NHSL1: variants seen among roughly 807,000 people sequenced by gnomAD.
The protein encoded by NHSL1 is NHS like 1.
A neutral mutation model predicts 95.0 loss-of-function variants in NHSL1; 48 were observed. The ratio of observed to expected loss-of-function variants is 0.51; its 90% CI spans 0.40 to 0.64. The LOEUF (loss-of-function observed/expected upper bound fraction) is 0.64. Ranked by LOEUF, NHSL1 falls within the 30% of genes least tolerant of loss-of-function variation. The probability of loss-of-function intolerance (pLI) is 0.00; values close to 1 mark genes in which losing one functional copy is unlikely to be tolerated. For missense variants in NHSL1, 1,971 were observed against 2,077.7 expected (o/e 0.95, Z 1.00); for synonymous variants, 783 against 833.9 (o/e 0.94, Z 1.05).
intron 7 of NHSL1, among the ~76,000 whole-genome samples, chr6:138,428,436 TTC>T (rs771499612): frequency 1.3e-5 from 2 of 152,246 alleles, no homozygotes; most frequent in African/African-American, 2.4e-5. Context: ...CATTTATCAT[TTC>T]TCTGTTTTGA....
intron 1 of NHSL1, among the ~76,000 whole-genome samples, chr6:138,683,489 T>C (rs1434947048): frequency 6.6e-6 from 1 of 152,232 alleles, no homozygotes; most frequent in African/African-American, 2.4e-5. Flanking sequence ...GTACTTTTGA[T>C]GCGTGTCTCA....
rs556302227 is a variant in NHSL1 at position 138,566,193 on chromosome 6, T to G, written c.202+5517A>C. Among the ~76,000 whole-genome samples the G allele has an allele frequency of 4.0e-5, 6 of 151,004 alleles. No individual in the cohort carries two copies. In the South Asian group the frequency reaches 8.4e-4, roughly 21 times the overall value. ...TGGGCGGATCACCTGAGGTCAGGAG[T>G]TCAAGACCAGCCTGGCCAACATGGT... On this transcript the variant is annotated intron_variant, in intron 1 of 6. Coordinates refer to the NHSL1 transcript ENST00000427025.
chr6:138,501,342 T>C (rs1317978322), upstream of NHSL1, among the ~76,000 whole-genome samples: 1 of 152,164 alleles, frequency 6.6e-6, no homozygotes, highest in Non-Finnish European at 1.5e-5. Flanking sequence ...TCATGGAGCT[T>C]AAATTATTTG....
chr6:138,533,441 G>A lies in NHSL1; in HGVS notation c.16+12182C>T, dbSNP rs943342704. Among the ~76,000 whole-genome samples, 23 of 152,002 alleles carry A rather than the reference G, an allele frequency of 1.5e-4. 1 individual carries two copies. Among genetic ancestry groups the A allele is most frequent in the African/African-American group, 5.1e-4 (21 of 41,388 alleles). ...GCCAGGCCTGTAATCCCAGCTACTCGGGAGGCTGAGGCAGGGTAATTGCTT... is the reference window on the plus strand; with the variant it reads ...GCCAGGCCTGTAATCCCAGCTACTCAGGAGGCTGAGGCAGGGTAATTGCTT... On this transcript the variant is annotated intron_variant, in intron 1 of 4. Coordinates refer to the NHSL1 transcript ENST00000342260.
At chr6:138,496,921 C>T (rs1780387838) in intron 1 of NHSL1, among the ~76,000 whole-genome samples, 1 of 152,156 alleles carries the variant, frequency 6.6e-6, no homozygotes, top group Admixed American at 6.5e-5. Context: ...ATGTAAATGA[C>T]ATAGCTAATA....
intron 4 of NHSL1, among the ~76,000 whole-genome samples, chr6:138,444,492 T>A (rs947121879): frequency 3.9e-5 from 6 of 152,058 alleles, no homozygotes; most frequent in Non-Finnish European, 8.8e-5. Flanking sequence ...ACTAAAGGGA[T>A]TAAATCAATT....
chr6:138,599,543 A>AG (rs1784345896), intron 1 of NHSL1, among the ~76,000 whole-genome samples: 1 of 152,176 alleles, frequency 6.6e-6, no homozygotes, highest in African/African-American at 2.4e-5. Context: ...GAACTCTTTA[A>AG]GGTCTTTTTC....
At chr6:138,523,183 C>A (rs371150582) in intron 1 of NHSL1, among the ~76,000 whole-genome samples, 1 of 151,784 alleles carries the variant, frequency 6.6e-6, no homozygotes, top group African/African-American at 2.4e-5. Flanking sequence ...TAAAGTTTTG[C>A]GGCACACCAA....
intron 1 of NHSL1, among the ~76,000 whole-genome samples, chr6:138,627,931 CTTAT>C (rs1380297447): frequency 2.0e-5 from 3 of 151,886 alleles, no homozygotes; most frequent in Non-Finnish European, 4.4e-5. Flanking sequence ...AACTCTACAG[CTTAT>C]TTAAAATATT....
At position 138,489,865 on chromosome 6, in the gene NHSL1, A is replaced by AGAGAGAGG. The variant is rs1284929792; in HGVS notation, c.211+6346_211+6353dup. Reference sequence around the variant, plus strand: ...GAGAGGGAGAGAGGGAGAGAGAGAGAGAGAGAGGGAGAGAGGGAGAGAGGG... The same window carrying AGAGAGAGG: ...GAGAGGGAGAGAGGGAGAGAGAGAGAGAGAGAGGGAGAGAGGGAGAGAGGGAGAGAGGG... On this transcript the variant is annotated intron_variant, in intron 2 of 7. Coordinates refer to ENST00000343505, the MANE Select transcript of NHSL1 (RefSeq NM_001144060.2). 2.0e-3 allele frequency among the ~76,000 whole-genome samples: 144 copies of AGAGAGAGG among 71,670 alleles called. 2 individuals carry two copies. Among genetic ancestry groups the AGAGAGAGG allele is most frequent in the African/African-American group, 0.011 (111 of 10,060 alleles). The allele number at this position is 71,670 out of a possible 152,430, so 47.0% of individuals were successfully genotyped here. A position where few individuals can be genotyped will look rare whatever the true frequency, so the allele number is the denominator to read the frequency against.
intron 1 of NHSL1, among the ~76,000 whole-genome samples, chr6:138,635,697 A>C (rs909745109): frequency 9.2e-5 from 14 of 152,188 alleles, no homozygotes; most frequent in African/African-American, 3.4e-4. Context: ...TATTATGCTG[A>C]TACCAAAAAC....
intron 1 of NHSL1, among the ~76,000 whole-genome samples, chr6:138,526,776 A>C (rs1352929868): frequency 6.6e-6 from 1 of 152,138 alleles, no homozygotes; most frequent in Non-Finnish European, 1.5e-5. Context: ...TGAGTTTTGA[A>C]ATGTAACTTT....
At position 138,424,070 on chromosome 6, in the gene NHSL1, CG is replaced by C; in HGVS notation, c.*10del. 7.3e-7 allele frequency: 1 copy of C among 1,363,246 alleles called. No homozygotes were observed. Among genetic ancestry groups the C allele is most frequent in the East Asian group, 2.6e-5 (1 of 38,162 alleles). 84.4% of individuals were successfully genotyped at this position (1,363,246 alleles called of 1,614,324 possible). On this transcript the variant is annotated 3_prime_UTR_variant, in exon 8 of 8. Transcript: ENST00000343505. The surrounding 1 kb of genome is among the most constrained non-coding windows in gnomAD (Gnocchi z 5.9). ...CCCCCCGTGTCACCTGGGAGAGTTA[CG>C]TTCTTGGCCCTAACTCTCCTCGCTC...
At chr6:138,646,886 T>G (rs1251134015) in intron 1 of NHSL1, among the ~76,000 whole-genome samples, 1 of 152,226 alleles carries the variant, frequency 6.6e-6, no homozygotes, top group African/African-American at 2.4e-5. Context: ...AAATAAGAAC[T>G]GTTTGAGCCC....
At chr6:138,466,936 T>C (rs934556176) in intron 3 of NHSL1, among the ~76,000 whole-genome samples, 6 of 151,734 alleles carry the variant, frequency 4.0e-5, no homozygotes, top group Non-Finnish European at 7.4e-5. Flanking sequence ...ATCTACTAAG[T>C]ATTGCTGGAA....
chr6:138,555,836 A>G (rs1459132464), intron 1 of NHSL1, among the ~76,000 whole-genome samples: 1 of 152,238 alleles, frequency 6.6e-6, no homozygotes, highest in Non-Finnish European at 1.5e-5. Context: ...ACTAACAGAA[A>G]GGAACACACT....
At chr6:138,532,266 T>TGAA (rs1384661071) in intron 1 of NHSL1, among the ~76,000 whole-genome samples, 3 of 152,198 alleles carry the variant, frequency 2.0e-5, no homozygotes, top group Non-Finnish European at 4.4e-5. Context: ...CATTCTGTCA[T>TGAA]GAAGGGCTCC....
At chr6:138,651,892 C>T (rs1477878532) in intron 1 of NHSL1, among the ~76,000 whole-genome samples, 4 of 152,112 alleles carry the variant, frequency 2.6e-5, no homozygotes, top group Admixed American at 2.6e-4. Context: ...TTATTTCACA[C>T]TTTTTTGGGG....
Position 138,496,308 on chromosome 6 carries a change from T to C in NHSL1, c.122A>G (p.Gln41Arg). The C allele has an allele frequency of 6.4e-7, 1 of 1,550,908 alleles. No homozygotes were observed. The highest frequency in any genetic ancestry group is 8.7e-7 in the Non-Finnish European group (1 of 1,146,934). ...TGTGGTGGGAAGGAACACATTCTCC[T>C]GCTGGTGCCACGGGGCAGTGTAGTG... is the stretch of plus-strand genomic sequence containing the variant. ...TVHYTAPWHQQENVFLPTTRP... is the reference protein window; with the variant it reads ...TVHYTAPWHQRENVFLPTTRP... Residue 41 changes from glutamine to arginine, a missense_variant, in exon 2 of 8, where the codon CAG becomes CGG. Gln to Arg is a conservative substitution (Grantham distance 43). Transcript: ENST00000343505.
Sources: gnomAD v4.1 joint callset for allele counts (sites outside exome capture counted in the v4.1 genomes callset) on GRCh38, gnomAD v4.1.1 for gene constraint, Gnocchi (gnomAD v3.1) non-coding constraint, MANE v1.5 for transcripts, NCBI Gene and HGNC (gene_info 2026-07-23, HGNC 2026-07-21) for gene names.